CMAS: variants seen among roughly 807,000 people sequenced by gnomAD.
CMAS encodes the protein N-acylneuraminate cytidylyltransferase.
Under a neutral mutation model 53.4 loss-of-function variants are expected in CMAS, and 21 were observed. That is an observed-to-expected ratio of 0.39 (90% CI 0.28 to 0.57). The LOEUF (loss-of-function observed/expected upper bound fraction) is 0.57, where lower values mean the gene tolerates loss of function less well. Among genes scored for constraint, CMAS ranks in the 20% least tolerant of loss-of-function variants. CMAS has a pLI of 0.56. For missense variants in CMAS, 384 were observed against 534.9 expected (o/e 0.72, Z 2.78); for synonymous variants, 189 against 195.2 (o/e 0.97, Z 0.27).
intron 1 of CMAS, among the ~76,000 whole-genome samples, chr12:22,053,383 A>G (rs1473463823): frequency 6.7e-6 from 1 of 150,356 alleles, no homozygotes; most frequent in Non-Finnish European, 1.5e-5. Context: ...GTGTATATGT[A>G]TACATATACA....
At chr12:22,058,797 A>C in intron 4 of CMAS, 97 bp downstream of exon 4, 1 of 1,401,202 alleles carries the variant, frequency 7.1e-7, no homozygotes. Flanking sequence ...TATGATAAAG[A>C]AAAGTATCAA....
At chr12:22,062,518 C>T (rs1950315420) in intron 7 of CMAS, 84 bp downstream of exon 7, 26 of 1,347,616 alleles carry the variant, frequency 1.9e-5, no homozygotes, top group Non-Finnish European at 2.7e-5. Flanking sequence ...AAAGCACATC[C>T]TCCAAATGGG....
intron 3 of CMAS, 30 bp from the exon 4 acceptor site, chr12:22,058,537 C>T (rs764366889): frequency 1.1e-5 from 17 of 1,596,438 alleles, no homozygotes; most frequent in South Asian, 4.6e-5. Flanking sequence ...TTCAGGGCAA[C>T]GTGGACTTAC....
intron 3 of CMAS, among the ~76,000 whole-genome samples, chr12:22,056,325 T>C (rs1487098838): frequency 6.6e-6 from 1 of 152,192 alleles, no homozygotes; most frequent in African/African-American, 2.4e-5. Context: ...TGATTGTGAG[T>C]CACCTATTTC....
At position 22,055,191 on chromosome 12, in the gene CMAS, C is replaced by T; in HGVS notation, c.303C>T (p.Ala101=). The part of the protein sequence containing the change: ...STDHDEIENV[A]KQFGAQVHRR... Reference sequence around the variant, plus strand: ...ACCATGATGAAATTGAGAATGTGGCCAAACAATTTGGTGCACAAGTTCATC... The same window carrying T: ...ACCATGATGAAATTGAGAATGTGGCTAAACAATTTGGTGCACAAGTTCATC... Residue 101 remains alanine, a synonymous_variant, in exon 2 of 8, where the codon GCC becomes GCT. Coordinates refer to ENST00000229329, the MANE Select transcript of CMAS (RefSeq NM_018686.6). 1 of 1,613,168 alleles carries T rather than the reference C, an allele frequency of 6.2e-7. No homozygotes were observed. Among genetic ancestry groups the T allele is most frequent in the Non-Finnish European group, 8.5e-7 (1 of 1,179,422 alleles).
chr12:22,052,535 A>G (rs977750295), intron 1 of CMAS, among the ~76,000 whole-genome samples: 1 of 152,228 alleles, frequency 6.6e-6, no homozygotes, highest in Non-Finnish European at 1.5e-5. Context: ...ATTTATTTCA[A>G]TTAATGTAAA....
chr12:22,060,161 A>G (rs916048573), intron 4 of CMAS, among the ~76,000 whole-genome samples: 10 of 151,866 alleles, frequency 6.6e-5, no homozygotes, highest in Admixed American at 3.3e-4. Flanking sequence ...GAAAAAAAGG[A>G]GGATATGATT....
intron 1 of CMAS, 108 bp from the exon 2 acceptor site, chr12:22,055,041 A>T (rs1041085650): frequency 1.4e-6 from 1 of 732,464 alleles, no homozygotes; most frequent in Non-Finnish European, 2.1e-6. Flanking sequence ...TCATTGTGCA[A>T]AAAATATTCT....
intron 1 of CMAS, among the ~76,000 whole-genome samples, chr12:22,051,457 A>G (rs925822673): frequency 2.6e-5 from 4 of 152,218 alleles, no homozygotes; most frequent in African/African-American, 9.6e-5. Flanking sequence ...TAGTTATCAC[A>G]GGCACCATGG....
intron 3 of CMAS, among the ~76,000 whole-genome samples, chr12:22,056,024 C>A (rs1262825363): frequency 6.6e-6 from 1 of 152,166 alleles, no homozygotes; most frequent in Non-Finnish European, 1.5e-5. Context: ...ATTCCTAACT[C>A]CATATATAAG....
intron 6 of CMAS, 110 bp from the exon 7 acceptor site, chr12:22,062,171 C>A (rs548244870): frequency 1.1e-6 from 1 of 906,426 alleles, no homozygotes; most frequent in East Asian, 2.9e-5. Flanking sequence ...AAAGATGACT[C>A]GTTTGTGATT....
At chr12:22,053,195 G>A (rs980919688) in intron 1 of CMAS, among the ~76,000 whole-genome samples, 2 of 151,926 alleles carry the variant, frequency 1.3e-5, no homozygotes, top group Non-Finnish European at 2.9e-5. Context: ...GGAGCCTAAG[G>A]CATGAGAATC....
In CMAS at chr12:22,060,904, A is replaced by G. The variant is rs151143902; in HGVS notation, c.766A>G (p.Ile256Val). The change falls in exon 5 of 8, where the codon ATT (isoleucine) becomes GTT (valine). Residue 256 changes from isoleucine (I) to valine (V), a missense_variant. Ile to Val is a conservative substitution (Grantham distance 29). Around this residue, in one of 3 missense-constraint regions of CMAS, gnomAD observed 139 missense variants for 248.0 expected, o/e 0.56. Transcript: ENST00000229329. ...TATAGATGTGGATATTGATTGGCCT[A>G]TTGCAGAGCAAAGAGTATTAAGGTA... ...VDIDVDIDWP[I>V]AEQRVLRYGY... 6.9e-6 allele frequency: 11 copies of G among 1,603,468 alleles called. No homozygotes were observed. Among genetic ancestry groups the G allele is most frequent in the South Asian group, 2.2e-5 (2 of 90,774 alleles).
intron 1 of CMAS, among the ~76,000 whole-genome samples, chr12:22,051,050 G>C (rs1461205298): frequency 6.6e-6 from 1 of 152,056 alleles, no homozygotes; most frequent in African/African-American, 2.4e-5. Flanking sequence ...GTGTTTTTCA[G>C]GGCTCGAAGA....
chr12:22,046,874 G>A (rs1950210441), intron 1 of CMAS, among the ~76,000 whole-genome samples: 1 of 152,192 alleles, frequency 6.6e-6, no homozygotes, highest in South Asian at 2.1e-4. Context: ...TTGACCTTAC[G>A]GGGAAAAGTA....
chr12:22,064,597 A>AGT (rs2138191821), intron 7 of CMAS, among the ~76,000 whole-genome samples: 1 of 152,140 alleles, frequency 6.6e-6, no homozygotes, highest in Non-Finnish European at 1.5e-5. Context: ...GTTTAATGAT[A>AGT]TTCTGTCAGA....
intron 1 of CMAS, among the ~76,000 whole-genome samples, chr12:22,053,526 T>TATAC (rs1555140625): frequency 2.7e-5 from 4 of 147,834 alleles, no homozygotes; most frequent in African/African-American, 7.6e-5. Flanking sequence ...TATATATATA[T>TATAC]ACACACACAT....
At chr12:22,053,507 C>CA (rs1421628670) in intron 1 of CMAS, among the ~76,000 whole-genome samples, 25 of 138,100 alleles carry the variant, frequency 1.8e-4, no homozygotes, top group South Asian at 5.6e-4. Flanking sequence ...TATATACACA[C>CA]CAAATATATA....
chr12:22,062,246 T>G (rs751850295), intron 6 of CMAS, 35 bp from the exon 7 acceptor site: 1 of 1,539,614 alleles, frequency 6.5e-7, no homozygotes, highest in Non-Finnish European at 8.7e-7. Context: ...AATTTTTCCC[T>G]TCTTCCTCCA....
Sources: allele counts gnomAD v4.1 joint callset (sites outside exome capture counted in the v4.1 genomes callset), GRCh38; gene constraint gnomAD v4.1.1; regional missense constraint gnomAD v4.1.1; transcripts MANE v1.5; gene names NCBI Gene and HGNC (gene_info 2026-07-23, HGNC 2026-07-21).